SPATA17: variants seen among roughly 807,000 people sequenced by gnomAD.
The protein encoded by SPATA17 is spermatogenesis-associated protein 17.
A neutral mutation model predicts 62.2 loss-of-function variants in SPATA17; 53 were observed. The ratio of observed to expected loss-of-function variants is 0.85; its 90% confidence interval spans 0.68 to 1.07. SPATA17 has a LOEUF of 1.07. SPATA17 is among the 50% of genes least tolerant of loss of function. The pLI, the probability that SPATA17 is intolerant of heterozygous loss-of-function variation, is 0.00. For synonymous variants in SPATA17, 146 were observed against 146.8 expected, an observed-to-expected ratio of 0.99 and a Z score of 0.04; for missense variants, 466 against 425.5, an observed-to-expected ratio of 1.10 and a Z score of -0.84.
At chr1:217,694,684 C>A (rs1245712293) in intron 5 of SPATA17, among the ~76,000 whole-genome samples, 3 of 150,910 alleles carry the variant, frequency 2.0e-5, no homozygotes, top group Admixed American at 6.6e-5. Flanking sequence ...TTAGGGCAGG[C>A]CTGGTGGTGA....
chr1:217,748,302 C>CAAAA (rs61324067), intron 6 of SPATA17, among the ~76,000 whole-genome samples: 5 of 106,238 alleles, frequency 4.7e-5, no homozygotes, highest in Middle Eastern at 5.4e-3. Context: ...GACTCCATCT[C>CAAAA]AAAAAAAAAA....
chr1:217,806,695 A>C (rs960174802), intron 9 of SPATA17, among the ~76,000 whole-genome samples: 10 of 152,300 alleles, frequency 6.6e-5, no homozygotes, highest in African/African-American at 2.2e-4. Flanking sequence ...AGGCACTGGA[A>C]ATATAAGGTA....
At chr1:217,843,527 AT>A (rs1242785678) in intron 9 of SPATA17, among the ~76,000 whole-genome samples, 1 of 152,022 alleles carries the variant, frequency 6.6e-6, no homozygotes, top group African/African-American at 2.4e-5. Context: ...TGGACAGTAC[AT>A]TTTTTGAGGC....
At chr1:217,745,234 T>C (rs558106484) in intron 6 of SPATA17, among the ~76,000 whole-genome samples, 3 of 152,310 alleles carry the variant, frequency 2.0e-5, no homozygotes, top group African/African-American at 7.2e-5. Flanking sequence ...ACCTGGCTGG[T>C]TGGTAAACTT....
intron 3 of SPATA17, 103 bp from the exon 4 acceptor site, chr1:217,668,930 A>C: frequency 1.0e-6 from 1 of 979,506 alleles, no homozygotes; most frequent in South Asian, 1.5e-5. Flanking sequence ...TAGAACTCTT[A>C]TTATGTATTA....
At chr1:217,837,522 A>G (rs1675288672) in intron 9 of SPATA17, among the ~76,000 whole-genome samples, 1 of 152,108 alleles carries the variant, frequency 6.6e-6, no homozygotes, top group Non-Finnish European at 1.5e-5. Context: ...ATATAACCAT[A>G]CTGTTGCATG....
intron 4 of SPATA17, among the ~76,000 whole-genome samples, chr1:217,676,697 C>T (rs1312030322): frequency 1.3e-5 from 2 of 152,076 alleles, no homozygotes; most frequent in African/African-American, 4.8e-5. Context: ...TTGAGTCTTC[C>T]TTTGCTTGTC....
Position 217,778,865 on chromosome 1 carries a change from ATC to A in SPATA17, c.724-3305_724-3304del, listed in dbSNP as rs1212615508. Among the ~76,000 whole-genome samples the A allele has an allele frequency of 1.3e-5, 2 of 152,090 alleles. 1 individual carries two copies. The highest frequency in any genetic ancestry group is 4.1e-4 in the South Asian group (2 of 4,822). ...CTACACTTGTCAGTGTTCATTCTTC[ATC>A]TCTGTTTCTCAATACAACCTCTGTA... On this transcript the variant is annotated intron_variant, in intron 7 of 10. Transcript: ENST00000366933.
chr1:217,636,622 C>T (rs898254783), intron 1 of SPATA17, among the ~76,000 whole-genome samples: 16 of 152,058 alleles, frequency 1.1e-4, no homozygotes, highest in Non-Finnish European at 1.8e-4. Flanking sequence ...CGAGTTTTCG[C>T]TATGTTGGTC....
At chr1:217,820,729 A>G (rs1238832327) in intron 9 of SPATA17, among the ~76,000 whole-genome samples, 1 of 152,068 alleles carries the variant, frequency 6.6e-6, no homozygotes, top group African/African-American at 2.4e-5. Flanking sequence ...GCTTGGAACA[A>G]CAGCCTTTAC....
intron 6 of SPATA17, among the ~76,000 whole-genome samples, chr1:217,748,734 ACT>A (rs1672826455): frequency 7.9e-6 from 1 of 126,678 alleles, no homozygotes. Context: ...GCAGAGCAAG[ACT>A]CTGACTCAAA....
chr1:217,700,556 GT>G (rs1337868171), intron 5 of SPATA17, among the ~76,000 whole-genome samples: 1 of 151,900 alleles, frequency 6.6e-6, no homozygotes, highest in Non-Finnish European at 1.5e-5. Context: ...TAGACATAAT[GT>G]GACCTGTCAG....
intron 8 of SPATA17, among the ~76,000 whole-genome samples, chr1:217,784,393 G>A (rs1673804744): frequency 6.6e-6 from 1 of 152,182 alleles, no homozygotes; most frequent in African/African-American, 2.4e-5. Context: ...CATTATATCT[G>A]AGAGTTTAAT....
At chr1:217,657,781 A>G (rs1670475884) in intron 3 of SPATA17, among the ~76,000 whole-genome samples, 1 of 152,194 alleles carries the variant, frequency 6.6e-6, no homozygotes, top group Non-Finnish European at 1.5e-5. Context: ...TATAGTTTGA[A>G]TGTTTGTCCC....
intron 9 of SPATA17, among the ~76,000 whole-genome samples, chr1:217,828,127 A>G (rs1675044569): frequency 6.6e-6 from 1 of 152,200 alleles, no homozygotes; most frequent in Non-Finnish European, 1.5e-5. Context: ...TATTCAAGGC[A>G]GTATGAATAA....
At chr1:217,650,624 G>A (rs1670287618) in intron 2 of SPATA17, among the ~76,000 whole-genome samples, 1 of 151,356 alleles carries the variant, frequency 6.6e-6, no homozygotes, top group South Asian at 2.1e-4. Flanking sequence ...CGGTTTCACC[G>A]TGTTGGCCAG....
At chr1:217,707,263 T>C (rs2102923833) in intron 5 of SPATA17, among the ~76,000 whole-genome samples, 1 of 152,280 alleles carries the variant, frequency 6.6e-6, no homozygotes, top group Non-Finnish European at 1.5e-5. Flanking sequence ...TACTGGTTTT[T>C]ATATATTGAT....
chr1:217,776,318 T>C (rs1201527850), intron 7 of SPATA17, among the ~76,000 whole-genome samples: 1 of 152,196 alleles, frequency 6.6e-6, no homozygotes, highest in Non-Finnish European at 1.5e-5. Context: ...ATCAACTACC[T>C]TGTGTTAGAT....
chr1:217,867,321 TCACCCGGGTCACA>T lies in SPATA17; in HGVS notation c.*303_*315del, dbSNP rs1676035381. 6.6e-6 allele frequency: 1 copy of T among 152,128 alleles called. No individual in the cohort carries two copies. Among genetic ancestry groups the T allele is most frequent in the Non-Finnish European group, 1.5e-5 (1 of 68,028 alleles). The allele number at this position is 152,128 out of a possible 1,614,324, so 9.4% of individuals were successfully genotyped here. ...CTGAAATACCCATATTCTGACCCCA[TCACCCGGGTCACA>T]AATGATGACACCAGTGCTGGGTACC... On this transcript the variant is annotated 3_prime_UTR_variant, in exon 11 of 11. Transcript: ENST00000366933.
Sources: allele counts gnomAD v4.1 joint callset (sites outside exome capture counted in the v4.1 genomes callset), GRCh38; gene constraint gnomAD v4.1.1; transcripts MANE v1.5; gene names NCBI Gene and HGNC (gene_info 2026-07-23, HGNC 2026-07-21).